Variants in UHRF2 observed in about 807,000 individuals in gnomAD.
The protein encoded by UHRF2 is E3 ubiquitin-protein ligase UHRF2.
Under a neutral mutation model 96.8 loss-of-function variants are expected in UHRF2, and 23 were observed. The observed-to-expected ratio is 0.24, with a 90% CI of 0.17 to 0.34. The LOEUF is 0.34. UHRF2 is among the 10% of genes least tolerant of loss of function. The pLI is 1.00. For missense variants in UHRF2, 685 were observed against 981.5 expected, an observed-to-expected ratio of 0.70 and a Z score of 4.04; for synonymous variants, 385 against 332.6, an observed-to-expected ratio of 1.16 and a Z score of -1.72.
chr9:6,476,460 T>C (rs899978349), intron 5 of UHRF2, among the ~76,000 whole-genome samples: 6 of 152,230 alleles, frequency 3.9e-5, no homozygotes, highest in Non-Finnish European at 7.3e-5. Context: ...ATGAGGCTTA[T>C]ATAAACATTT....
chr9:6,465,139 C>T (rs1822781676), intron 4 of UHRF2, among the ~76,000 whole-genome samples: 2 of 152,094 alleles, frequency 1.3e-5, no homozygotes, highest in Non-Finnish European at 2.9e-5. Context: ...GCATCTTTTT[C>T]CCCTGCTTTC....
chr9:6,451,287 T>C (rs976824935), intron 3 of UHRF2, among the ~76,000 whole-genome samples: 3 of 152,188 alleles, frequency 2.0e-5, no homozygotes, highest in Admixed American at 6.5e-5. Flanking sequence ...CTACCAGTTG[T>C]GTAGTTTCGT....
intron 9 of UHRF2, among the ~76,000 whole-genome samples, chr9:6,487,187 T>TTA (rs1824347362): frequency 1.6e-5 from 2 of 125,314 alleles, no homozygotes; most frequent in African/African-American, 3.2e-5. Flanking sequence ...TTTTCCTTTT[T>TTA]TTTTTTTTTT....
chr9:6,501,127 T>G (rs1816269554), intron 14 of UHRF2, among the ~76,000 whole-genome samples: 1 of 152,212 alleles, frequency 6.6e-6, no homozygotes, highest in African/African-American at 2.4e-5. Flanking sequence ...AGATTATCTA[T>G]TAAGTATTTT....
intron 4 of UHRF2, among the ~76,000 whole-genome samples, chr9:6,474,512 C>G (rs994301497): frequency 3.3e-5 from 5 of 152,098 alleles, no homozygotes; most frequent in Non-Finnish European, 4.4e-5. Context: ...TCGAGACGAG[C>G]CCAGCCAACA....
chr9:6,422,670 C>T (rs757344846), intron 2 of UHRF2: 9 of 642,850 alleles, frequency 1.4e-5, no homozygotes, highest in East Asian at 6.0e-5. Context: ...AGTGCAGTGA[C>T]GTGAACACGG....
At chr9:6,459,125 G>A (rs1339172358) in intron 3 of UHRF2, among the ~76,000 whole-genome samples, 1 of 152,096 alleles carries the variant, frequency 6.6e-6, no homozygotes, top group Non-Finnish European at 1.5e-5. Flanking sequence ...TAGATGACAG[G>A]TTGATGGGTG....
chr9:6,442,029 G>A (rs1821195271), intron 3 of UHRF2, among the ~76,000 whole-genome samples: 3 of 152,094 alleles, frequency 2.0e-5, no homozygotes, highest in Non-Finnish European at 4.4e-5. Context: ...CCAGTGGCAC[G>A]ATCTTGGCTC....
At chr9:6,426,780 C>T (rs1390878903) in intron 2 of UHRF2, among the ~76,000 whole-genome samples, 1 of 152,032 alleles carries the variant, frequency 6.6e-6, no homozygotes, top group Non-Finnish European at 1.5e-5. Flanking sequence ...GATGGAATCT[C>T]TCTTTGTTGC....
Position 6,420,958 on chromosome 9 carries a change from A to G in UHRF2, c.200A>G (p.Asp67Gly). The G allele has an allele frequency of 6.2e-7, 1 of 1,614,186 alleles. No homozygotes were observed. The highest frequency in any genetic ancestry group is 8.5e-7 in the Non-Finnish European group (1 of 1,180,022). Residue 67 changes from aspartate to glycine, a missense_variant, in exon 2 of 16, where the codon GAT becomes GGT. Transcript: ENST00000276893. The part of the protein sequence containing the change: ...TLFDYDVGLN[D>G]IIQLLVRPDP... ...TTTGATTATGATGTTGGACTGAATG[A>G]TATAATTCAGCTGCTAGTTCGCCCA... is the stretch of plus-strand genomic sequence containing the variant.
intron 14 of UHRF2, among the ~76,000 whole-genome samples, chr9:6,503,965 C>T (rs1472524609): frequency 7.2e-6 from 1 of 139,150 alleles, no homozygotes; most frequent in Non-Finnish European, 1.5e-5. Flanking sequence ...TAACTTTGCT[C>T]TTCTCAGGTA....
intron 2 of UHRF2, among the ~76,000 whole-genome samples, chr9:6,428,221 C>G (rs546902355): frequency 4.1e-4 from 62 of 152,218 alleles, no homozygotes; most frequent in African/African-American, 1.5e-3. Flanking sequence ...TGATGTTTAA[C>G]CTTTTTGATT....
intron 4 of UHRF2, chr9:6,468,437 C>T (rs1453473094): frequency 6.6e-6 from 3 of 455,862 alleles, no homozygotes; most frequent in African/African-American, 4.0e-5. Context: ...TTGAATGCAC[C>T]AGAGAATCAA....
intron 3 of UHRF2, among the ~76,000 whole-genome samples, chr9:6,435,732 G>C (rs554409613): frequency 1.3e-5 from 2 of 152,148 alleles, no homozygotes; most frequent in Admixed American, 1.3e-4. Flanking sequence ...TCAGCCTCCT[G>C]AGTAGCTGGG....
At chr9:6,480,037 AT>A (rs1232895244) in intron 6 of UHRF2, among the ~76,000 whole-genome samples, 5 of 152,190 alleles carry the variant, frequency 3.3e-5, no homozygotes, top group African/African-American at 1.2e-4. Context: ...AATAAAAAAA[AT>A]CTAAGCCCTT....
intron 3 of UHRF2, among the ~76,000 whole-genome samples, chr9:6,447,529 C>T (rs1263267370): frequency 6.6e-6 from 1 of 151,944 alleles, no homozygotes; most frequent in East Asian, 1.9e-4. Flanking sequence ...TATGGGGCTA[C>T]CTGAGAGTAG....
chr9:6,456,091 G>A (rs2130832635), intron 3 of UHRF2, among the ~76,000 whole-genome samples: 1 of 152,320 alleles, frequency 6.6e-6, no homozygotes, highest in South Asian at 2.1e-4. Context: ...GTACAGCCAA[G>A]TTACTGATAG....
intron 1 of UHRF2, among the ~76,000 whole-genome samples, chr9:6,419,595 G>A (rs1196662429): frequency 1.3e-5 from 2 of 152,062 alleles, no homozygotes; most frequent in African/African-American, 4.8e-5. Context: ...GAAAAATAAG[G>A]TCATAAAACA....
At chr9:6,466,980 C>A (rs754491954) in intron 4 of UHRF2, among the ~76,000 whole-genome samples, 9 of 152,120 alleles carry the variant, frequency 5.9e-5, no homozygotes, top group Admixed American at 5.2e-4. Context: ...TTTCTGAATT[C>A]TTTATTTTAT....
Sources: allele counts gnomAD v4.1 joint callset (sites outside exome capture counted in the v4.1 genomes callset), GRCh38; gene constraint gnomAD v4.1.1; transcripts MANE v1.5; gene names NCBI Gene and HGNC (gene_info 2026-07-23, HGNC 2026-07-21).